The following ATRN variants were observed in gnomAD, a reference collection of about 807,000 sequenced individuals.
ATRN encodes attractin.
Under a neutral mutation model 178.7 loss-of-function variants are expected in ATRN, and 54 were observed. The observed-to-expected ratio is 0.30, with a 90% CI of 0.24 to 0.38. The LOEUF is 0.38. Ranked by LOEUF, ATRN falls within the 10% of genes least tolerant of loss-of-function variation. ATRN has a pLI of 1.00. For synonymous variants in ATRN, 636 were observed against 663.0 expected, an observed-to-expected ratio of 0.96 and a Z score of 0.63; for missense variants, 1,443 against 1,815.1, an observed-to-expected ratio of 0.79 and a Z score of 3.73.
At chr20:3,520,192 T>C (rs948127501) in intron 1 of ATRN, among the ~76,000 whole-genome samples, 7 of 151,988 alleles carry the variant, frequency 4.6e-5, no homozygotes, top group African/African-American at 1.7e-4. Context: ...CTCTGCAAAA[T>C]ATAGGAATTA....
intron 3 of ATRN, among the ~76,000 whole-genome samples, chr20:3,542,422 G>T (rs1011420395): frequency 1.3e-5 from 2 of 151,972 alleles, no homozygotes; most frequent in African/African-American, 4.8e-5. Context: ...CGGTGGTAGA[G>T]CAGAGAGAGT....
At chr20:3,484,867 A>G (rs1256470802) in intron 1 of ATRN, among the ~76,000 whole-genome samples, 3 of 151,428 alleles carry the variant, frequency 2.0e-5, no homozygotes, top group Admixed American at 1.3e-4. Flanking sequence ...TGTTATTACT[A>G]GAAACTAATT....
chr20:3,638,172 T>C lies in ATRN; in HGVS notation c.3943-656T>C, dbSNP rs183319557. Among the ~76,000 whole-genome samples, 1,162 of 152,304 alleles carry C rather than the reference T, an allele frequency of 7.6e-3. 8 individuals carry two copies. Among genetic ancestry groups the C allele is most frequent in the Middle Eastern group, 0.014 (4 of 294 alleles). On this transcript the variant is annotated intron_variant, in intron 26 of 28. Transcript: ENST00000262919. The surrounding 1 kb of genome is among the most constrained non-coding windows in gnomAD (Gnocchi z 4.5). ...GGATACATGTACAGAACATGTAGATTTGTTACATAGGTATACATGTGCCGT... is the reference window on the plus strand; with the variant it reads ...GGATACATGTACAGAACATGTAGATCTGTTACATAGGTATACATGTGCCGT...
At chr20:3,589,641 A>G (rs2086411171) in intron 18 of ATRN, among the ~76,000 whole-genome samples, 1 of 152,136 alleles carries the variant, frequency 6.6e-6, no homozygotes. Flanking sequence ...ATTTGTATTA[A>G]TAACTAAATG....
rs754088861 is a variant in ATRN at position 3,577,016 on chromosome 20, T to C, written c.2353+19T>C. 1 of 1,613,056 alleles carries C rather than the reference T, an allele frequency of 6.2e-7. No individual in the cohort carries two copies. The highest frequency in any genetic ancestry group is 8.5e-7 in the Non-Finnish European group (1 of 1,179,734). On this transcript the variant is annotated intron_variant, in intron 14 of 28. Transcript: ENST00000262919. The stretch of plus-strand genomic sequence containing the variant: ...CTGCCCGGTAGGCCTTGCAGGGTCA[T>C]CTTGGTGTGTGTGGGTCCATTACTT...
In ATRN at chr20:3,591,295, G is replaced by A. The variant is rs757945316; in HGVS notation, c.3311G>A (p.Gly1104Glu). 2 of 1,613,518 alleles carry A rather than the reference G, an allele frequency of 1.2e-6. No homozygotes were observed. The highest frequency in any genetic ancestry group is 2.2e-5 in the South Asian group (2 of 90,996). ...SGFYGDPTNG[G>E]KCQPCKCNGH... ...TTCTACGGTGATCCCACCAATGGAG[G>A]GAAATGTCAGCGTAAGTCAAATTGG... The change falls in exon 19 of 29, where the codon GGG (glycine) becomes GAG (glutamate). Residue 1104 changes from glycine to glutamate, a missense_variant. Physicochemically the swap from Gly to Glu is moderately conservative, Grantham distance 98. Around this residue, in one of 4 missense-constraint regions of ATRN, gnomAD observed 289 missense variants for 440.8 expected, o/e 0.66. Transcript: ENST00000262919.
At chr20:3,597,021 C>T (rs185504929) in intron 21 of ATRN, among the ~76,000 whole-genome samples, 4 of 139,542 alleles carry the variant, frequency 2.9e-5, no homozygotes, top group Admixed American at 7.6e-5. Context: ...AACATCCCTT[C>T]AAAATTCATG....
In ATRN at chr20:3,507,500, G is replaced by A. The variant is rs1294512902; in HGVS notation, c.411-27753G>A. On this transcript the variant is annotated intron_variant, in intron 1 of 28. Transcript: ENST00000262919. Reference sequence around the variant, plus strand: ...AGTTTGAATGATGTGGGACACAGTTGTAATTAGAACTCCAAAAGGAGAAAA... The same window carrying A: ...AGTTTGAATGATGTGGGACACAGTTATAATTAGAACTCCAAAAGGAGAAAA... Among the ~76,000 whole-genome samples, 5 of 151,910 alleles carry A rather than the reference G, an allele frequency of 3.3e-5. No individual in the cohort carries two copies. The East Asian group carries it at 9.7e-4, about 29-fold the overall frequency.
intron 1 of ATRN, among the ~76,000 whole-genome samples, chr20:3,530,072 T>C (rs1190199832): frequency 9.9e-5 from 15 of 151,544 alleles, no homozygotes; most frequent in Admixed American, 9.9e-4. Context: ...GAAATTTAAA[T>C]ATCAAACTAG....
intron 1 of ATRN, among the ~76,000 whole-genome samples, chr20:3,498,724 T>C (rs1013520169): frequency 4.6e-5 from 7 of 151,798 alleles, no homozygotes; most frequent in African/African-American, 1.7e-4. Flanking sequence ...ACAGCTAATA[T>C]CATACTGAAT....
At chr20:3,583,442 G>A (rs1255853089) in intron 16 of ATRN, among the ~76,000 whole-genome samples, 1 of 152,126 alleles carries the variant, frequency 6.6e-6, no homozygotes, top group African/African-American at 2.4e-5. Flanking sequence ...AACAGTACTT[G>A]ATGACTTTTA....
At chr20:3,621,887 G>A (rs566933139) in intron 24 of ATRN, among the ~76,000 whole-genome samples, 24 of 152,134 alleles carry the variant, frequency 1.6e-4, no homozygotes, top group African/African-American at 5.1e-4. Context: ...ATCTTACTGA[G>A]TTCTGTGAGA....
At chr20:3,520,580 C>T (rs997468997) in intron 1 of ATRN, among the ~76,000 whole-genome samples, 8 of 152,088 alleles carry the variant, frequency 5.3e-5, no homozygotes, top group South Asian at 2.1e-4. Flanking sequence ...GTGTTACCTC[C>T]GCCTCCTGGG....
chr20:3,547,869 T>C (rs1487456514), intron 5 of ATRN, among the ~76,000 whole-genome samples: 1 of 106,418 alleles, frequency 9.4e-6, no homozygotes, highest in African/African-American at 3.4e-5. Context: ...ATTAGAATCT[T>C]AAAGGAGTTA....
rs2670300 is a variant in ATRN, at chr20:3,632,041, T to G, written c.3864-2270T>G. ...TTGCTTGAAATACCATATATATCCTTATGCCTTCCAAATGCCATGCCCAGC... is the reference window on the plus strand; with the variant it reads ...TTGCTTGAAATACCATATATATCCTGATGCCTTCCAAATGCCATGCCCAGC... On this transcript the variant is annotated intron_variant, in intron 25 of 28. Coordinates refer to ENST00000262919, the MANE Select transcript of ATRN (RefSeq NM_139321.3). The surrounding 1 kb of genome is among the most constrained non-coding windows in gnomAD (Gnocchi z 4.2). Among the ~76,000 whole-genome samples the G allele has an allele frequency of 0.46, 70,262 of 151,742 alleles. 17,714 individuals carry two copies. The highest frequency in any genetic ancestry group is 0.67 in the African/African-American group (27,748 of 41,370).
At chr20:3,559,839 A>G (rs1402283396) in intron 7 of ATRN, among the ~76,000 whole-genome samples, 1 of 152,158 alleles carries the variant, frequency 6.6e-6, no homozygotes, top group African/African-American at 2.4e-5. Flanking sequence ...TTATAGATAG[A>G]TGGTAGGATG....
intron 1 of ATRN, among the ~76,000 whole-genome samples, chr20:3,508,458 C>T (rs938566074): frequency 2.6e-5 from 4 of 152,152 alleles, no homozygotes; most frequent in South Asian, 2.1e-4. Context: ...CAATCATAAG[C>T]GAATGGGCAT....
intron 10 of ATRN, among the ~76,000 whole-genome samples, chr20:3,564,940 CTATAGG>C (rs2086010801): frequency 6.6e-6 from 1 of 152,130 alleles, no homozygotes; most frequent in Non-Finnish European, 1.5e-5. Flanking sequence ...TGGCAGGCGC[CTATAGG>C]CCCAGCTACT....
intron 15 of ATRN, among the ~76,000 whole-genome samples, chr20:3,580,401 TCA>T (rs1396351837): frequency 6.6e-6 from 1 of 152,198 alleles, no homozygotes; most frequent in Non-Finnish European, 1.5e-5. Context: ...AAACAGAAAT[TCA>T]CAGTCTTAAT....
Sources: gnomAD v4.1 joint callset for allele counts (sites outside exome capture counted in the v4.1 genomes callset) on GRCh38, gnomAD v4.1.1 for gene constraint, gnomAD v4.1.1 regional missense constraint, Gnocchi (gnomAD v3.1) non-coding constraint, MANE v1.5 for transcripts, NCBI Gene and HGNC (gene_info 2026-07-23, HGNC 2026-07-21) for gene names.